The following CAMTA1 variants were observed in gnomAD, a reference collection of about 807,000 sequenced individuals.
CAMTA1 encodes calmodulin binding transcription activator 1.
A neutral mutation model predicts 170.9 loss-of-function variants in CAMTA1; 27 were observed. That is an observed-to-expected ratio of 0.16 (90% CI 0.12 to 0.22). The LOEUF (loss-of-function observed/expected upper bound fraction) is 0.22, where lower values mean the gene tolerates loss of function less well. CAMTA1 is among the 10% of genes least tolerant of loss of function. The pLI, the probability that CAMTA1 is intolerant of heterozygous loss-of-function variation, is 1.00. For synonymous variants in CAMTA1, 833 were observed against 891.5 expected, an observed-to-expected ratio of 0.93 and a Z score of 1.17; for missense variants, 1,619 against 2,217.2, an observed-to-expected ratio of 0.73 and a Z score of 5.42.
At chr1:7,244,533 C>A (rs1665433156) in intron 4 of CAMTA1, among the ~76,000 whole-genome samples, 1 of 152,200 alleles carries the variant, frequency 6.6e-6, no homozygotes, top group Non-Finnish European at 1.5e-5. Context: ...AAATGTGGCA[C>A]ATATATACCA....
chr1:6,917,372 C>G (rs534306181), intron 3 of CAMTA1, among the ~76,000 whole-genome samples: 3 of 152,224 alleles, frequency 2.0e-5, no homozygotes, highest in African/African-American at 7.2e-5. Context: ...GATGAGATAT[C>G]TGACTTGGAG....
At chr1:7,026,446 A>G (rs1702031740) in intron 3 of CAMTA1, among the ~76,000 whole-genome samples, 4 of 152,292 alleles carry the variant, frequency 2.6e-5, no homozygotes, top group Admixed American at 2.6e-4. Flanking sequence ...TCAGGAGAGC[A>G]GGTCTGGATT....
chr1:7,363,558 T>C (rs2085723862), intron 5 of CAMTA1, among the ~76,000 whole-genome samples: 2 of 152,214 alleles, frequency 1.3e-5, no homozygotes, highest in Non-Finnish European at 2.9e-5. Context: ...GGTGGTTTGG[T>C]TCCTGCCAGT....
chr1:7,084,815 G>A (rs549886713), intron 3 of CAMTA1, among the ~76,000 whole-genome samples: 155 of 152,326 alleles, frequency 1.0e-3, no homozygotes, highest in African/African-American at 3.5e-3. Flanking sequence ...CTGGCTGTCC[G>A]TGGGAAACAC....
At position 7,184,314 on chromosome 1, in the gene CAMTA1, A is replaced by C. The variant is rs1396983398; in HGVS notation, c.303-65177A>C. 3.9e-5 allele frequency among the ~76,000 whole-genome samples: 6 copies of C among 152,194 alleles called. No homozygotes were observed. In the East Asian group the frequency reaches 1.2e-3, roughly 29 times the overall value. ...ATGAGACCTAGTATTTGCTAACACA[A>C]TAGGGTGTCTATAGTCAATAATAAT... On this transcript the variant is annotated intron_variant, in intron 4 of 22. Coordinates refer to ENST00000303635, the MANE Select transcript of CAMTA1 (RefSeq NM_015215.4).
At chr1:7,498,935 GCATGTGTGTC>G in intron 6 of CAMTA1, among the ~76,000 whole-genome samples, 1 of 133,790 alleles carries the variant, frequency 7.5e-6, no homozygotes. Flanking sequence ...GTGTGTGTGT[GCATGTGTGTC>G]CATGAGTGTG....
In CAMTA1 at chr1:7,767,575, TA is replaced by T. The variant is rs2097030891; in HGVS notation, c.*1085del. 6.5e-6 allele frequency: 1 copy of T among 152,806 alleles called. No individual in the cohort carries two copies. The highest frequency in any genetic ancestry group is 1.5e-5 in the Non-Finnish European group (1 of 68,046). The allele number at this position is 152,806 out of a possible 1,614,324, so 9.5% of individuals were successfully genotyped here. A position where few individuals can be genotyped will look rare whatever the true frequency, so the allele number is the denominator to read the frequency against. Reference sequence around the variant, plus strand: ...GGATTATATTAATTGCTAAATATTTTATTCACAAAGGTCAATAACATGGCAA... The same window carrying T: ...GGATTATATTAATTGCTAAATATTTTTTCACAAAGGTCAATAACATGGCAA... On this transcript the variant is annotated 3_prime_UTR_variant, in exon 23 of 23. Coordinates refer to ENST00000303635, the MANE Select transcript of CAMTA1 (RefSeq NM_015215.4).
At chr1:6,822,803 C>CACACACACACACACAA (rs1178767133) in intron 2 of CAMTA1, among the ~76,000 whole-genome samples, 2 of 140,178 alleles carry the variant, frequency 1.4e-5, no homozygotes, top group Non-Finnish European at 3.3e-5. Context: ...ACCACACACA[C>CACACACACACACACAA]ACACACACAC....
At chr1:7,457,248 G>A (rs147735679) in intron 5 of CAMTA1, among the ~76,000 whole-genome samples, 325 of 152,202 alleles carry the variant, frequency 2.1e-3, no homozygotes, top group Non-Finnish European at 4.0e-3. Context: ...CAATAAAGCT[G>A]AAGCTCCAGA....
At chr1:7,088,922 C>G (rs1033517339) in intron 3 of CAMTA1, among the ~76,000 whole-genome samples, 1 of 152,214 alleles carries the variant, frequency 6.6e-6, no homozygotes, top group Non-Finnish European at 1.5e-5. Context: ...AAATGAGAAC[C>G]AATTGACAAA....
chr1:7,535,044 G>A (rs935500763), intron 6 of CAMTA1, among the ~76,000 whole-genome samples: 2 of 152,164 alleles, frequency 1.3e-5, no homozygotes, highest in Non-Finnish European at 2.9e-5. Context: ...GGAGATGGCT[G>A]GGATGTGGAC....
At chr1:7,496,825 C>G (rs1245922299) in intron 6 of CAMTA1, among the ~76,000 whole-genome samples, 2 of 151,926 alleles carry the variant, frequency 1.3e-5, no homozygotes, top group Non-Finnish European at 2.9e-5. Context: ...GGAAGGAGGC[C>G]TCCCAGGCCC....
In CAMTA1 at chr1:7,426,635, G is replaced by C. The variant is rs780335662; in HGVS notation, c.439-41195G>C. Among the ~76,000 whole-genome samples, 1 of 152,004 alleles carries C rather than the reference G, an allele frequency of 6.6e-6. No individual in the cohort carries two copies. Among genetic ancestry groups the C allele is most frequent in the African/African-American group, 2.4e-5 (1 of 41,376 alleles). On this transcript the variant is annotated intron_variant, in intron 5 of 22. Coordinates refer to ENST00000303635, the MANE Select transcript of CAMTA1 (RefSeq NM_015215.4). The surrounding 1 kb of genome is among the most constrained non-coding windows in gnomAD (Gnocchi z 4.8). ...TGGCTCAGAGCTTCTGTGATTGGGGGCTGATGGCGACTGTGCAAAAAAGCA... is the reference window on the plus strand; with the variant it reads ...TGGCTCAGAGCTTCTGTGATTGGGGCCTGATGGCGACTGTGCAAAAAAGCA...
rs186594528 is a variant in CAMTA1, at chr1:7,195,209, G to A, written c.303-54282G>A. Among the ~76,000 whole-genome samples the A allele has an allele frequency of 1.2e-3, 186 of 152,274 alleles. No individual in the cohort carries two copies. Among genetic ancestry groups the A allele is most frequent in the Admixed American group, 0.01 (158 of 15,296 alleles). ...GGGCAGCTTGATGGACATTTGTGCC[G>A]TCCACCTTGCAGGCATATGGCAGCT... On this transcript the variant is annotated intron_variant, in intron 4 of 22. Transcript: ENST00000303635. The surrounding 1 kb of genome is among the most constrained non-coding windows in gnomAD (Gnocchi z 4.1).
At chr1:7,518,731 A>T (rs2094321489) in intron 6 of CAMTA1, among the ~76,000 whole-genome samples, 1 of 151,884 alleles carries the variant, frequency 6.6e-6, no homozygotes. Context: ...GGTGCCCCTC[A>T]CTCACTGCCT....
chr1:7,206,776 G>A (rs1657813399), intron 4 of CAMTA1, among the ~76,000 whole-genome samples: 1 of 152,150 alleles, frequency 6.6e-6, no homozygotes, highest in Admixed American at 6.5e-5. Context: ...ACCAACATTA[G>A]CTATTGTCAA....
At chr1:7,677,353 G>A (rs1406404043) in intron 10 of CAMTA1, among the ~76,000 whole-genome samples, 11 of 152,322 alleles carry the variant, frequency 7.2e-5, no homozygotes, top group African/African-American at 2.6e-4. Context: ...GGAGGACAAA[G>A]CAAAGGGGCA....
intron 11 of CAMTA1, among the ~76,000 whole-genome samples, chr1:7,715,429 A>G (rs1577132482): frequency 7.2e-6 from 1 of 139,802 alleles, no homozygotes; most frequent in Non-Finnish European, 1.6e-5. Context: ...CCATAGCCAC[A>G]CACTTTTTTT....
intron 5 of CAMTA1, among the ~76,000 whole-genome samples, chr1:7,462,893 C>T (rs193241910): frequency 3.1e-4 from 47 of 152,276 alleles, no homozygotes; most frequent in Non-Finnish European, 5.3e-4. Context: ...GAGTCCACAT[C>T]CTCCCTCCAC....
Sources: gnomAD v4.1 joint callset for allele counts (sites outside exome capture counted in the v4.1 genomes callset) on GRCh38, gnomAD v4.1.1 for gene constraint, Gnocchi (gnomAD v3.1) non-coding constraint, MANE v1.5 for transcripts, NCBI Gene and HGNC (gene_info 2026-07-23, HGNC 2026-07-21) for gene names.